The following UNC13C variants were observed in gnomAD, a reference collection of about 807,000 sequenced individuals.
The protein encoded by UNC13C is unc-13 homolog C.
A neutral mutation model predicts 245.4 loss-of-function variants in UNC13C; 174 were observed. The ratio of observed to expected loss-of-function variants is 0.71; its 90% CI spans 0.63 to 0.80. The LOEUF (loss-of-function observed/expected upper bound fraction) is 0.80, where lower values mean the gene tolerates loss of function less well. Among genes scored for constraint, UNC13C ranks in the 30% least tolerant of loss-of-function variants. The pLI is 0.00. For synonymous variants in UNC13C, 992 were observed against 895.1 expected (o/e 1.11, Z -1.93); for missense variants, 2,829 against 2,602.9 (o/e 1.09, Z -1.89).
intron 19 of UNC13C, among the ~76,000 whole-genome samples, chr15:54,489,826 A>T (rs1432618031): frequency 6.6e-6 from 1 of 152,250 alleles, no homozygotes; most frequent in Non-Finnish European, 1.5e-5. Flanking sequence ...CATCACAGGT[A>T]GATCTCATTA....
chr15:54,583,655 G>A (rs1412178468), intron 30 of UNC13C, among the ~76,000 whole-genome samples: 1 of 152,160 alleles, frequency 6.6e-6, no homozygotes, highest in Non-Finnish European at 1.5e-5. Context: ...CCATAAATGT[G>A]GTTAATAGTT....
At chr15:54,571,404 G>T (rs1253761005) in intron 30 of UNC13C, among the ~76,000 whole-genome samples, 1 of 152,150 alleles carries the variant, frequency 6.6e-6, no homozygotes, top group East Asian at 1.9e-4. Context: ...CCACCCCTGT[G>T]ATTCAATTAC....
chr15:54,424,721 C>T (rs1211278087), intron 19 of UNC13C, among the ~76,000 whole-genome samples: 5 of 151,482 alleles, frequency 3.3e-5, no homozygotes, highest in African/African-American at 4.8e-5. Flanking sequence ...GAATTAGGGG[C>T]AAGAAAATGG....
chr15:54,523,586 T>A (rs1489876449), intron 24 of UNC13C, among the ~76,000 whole-genome samples: 1 of 152,208 alleles, frequency 6.6e-6, no homozygotes, highest in African/African-American at 2.4e-5. Context: ...AAAATAATTC[T>A]ATAAGAAAAT....
intron 18 of UNC13C, among the ~76,000 whole-genome samples, chr15:54,401,879 G>T (rs1407187380): frequency 1.3e-5 from 2 of 151,942 alleles, no homozygotes; most frequent in Admixed American, 1.3e-4. Context: ...AGTACAATGT[G>T]GTAATGGAGT....
At chr15:53,988,205 G>C (rs2565208) in intron 1 of UNC13C, among the ~76,000 whole-genome samples, 69,611 of 151,862 alleles carry the variant, frequency 0.46, 18,093 homozygotes, top group Admixed American at 0.61. Flanking sequence ...GGTATGGGAG[G>C]AGGAGGGAAG....
chr15:53,901,188 T>G, the UNC13C span, among the ~76,000 whole-genome samples: 2 of 151,578 alleles, frequency 1.3e-5, no homozygotes, highest in East Asian at 3.9e-4. Context: ...AGATTCTTAG[T>G]AAGCATCATT....
intron 17 of UNC13C, among the ~76,000 whole-genome samples, chr15:54,354,901 C>T (rs1477138888): frequency 6.6e-6 from 1 of 152,106 alleles, no homozygotes; most frequent in African/African-American, 2.4e-5. Flanking sequence ...AGATGAGGCC[C>T]TTAAGAGGTG....
chr15:54,524,936 C>T (rs57439022), intron 24 of UNC13C, among the ~76,000 whole-genome samples: 4,546 of 152,136 alleles, frequency 0.03, 200 homozygotes, highest in African/African-American at 0.1. Context: ...ATACAATAGA[C>T]CTATTATCCT....
intron 18 of UNC13C, among the ~76,000 whole-genome samples, chr15:54,393,562 T>C (rs1596320115): frequency 6.6e-6 from 1 of 151,880 alleles, no homozygotes; most frequent in Non-Finnish European, 1.5e-5. Context: ...TTTTTAATAA[T>C]AAAGATTTGG....
At chr15:54,402,011 A>G (rs1311190634) in intron 18 of UNC13C, among the ~76,000 whole-genome samples, 2 of 151,952 alleles carry the variant, frequency 1.3e-5, no homozygotes, top group Non-Finnish European at 2.9e-5. Flanking sequence ...ATAATATTAT[A>G]TGAAATGACA....
At chr15:54,181,742 C>A (rs751637763) in intron 4 of UNC13C, among the ~76,000 whole-genome samples, 19 of 151,764 alleles carry the variant, frequency 1.3e-4, no homozygotes, top group Non-Finnish European at 1.8e-4. Flanking sequence ...TTTTGTAGTT[C>A]TCCACTTACA....
chr15:54,432,841 C>T lies in UNC13C; in HGVS notation c.4933+17774C>T, dbSNP rs114946379. 3.2e-3 allele frequency among the ~76,000 whole-genome samples: 475 copies of T among 150,642 alleles called. 4 individuals carry two copies. Among genetic ancestry groups the T allele is most frequent in the African/African-American group, 0.011 (452 of 41,320 alleles). On this transcript the variant is annotated intron_variant, in intron 19 of 32. Coordinates refer to ENST00000260323, the MANE Select transcript of UNC13C (RefSeq NM_001080534.3). ...TTTTTTGAAAAGATTAACAAAATAG[C>T]TGCTAGCCAGATGAATGAAGAAGAA...
intron 30 of UNC13C, among the ~76,000 whole-genome samples, chr15:54,570,152 C>T (rs1897691928): frequency 6.6e-6 from 1 of 152,104 alleles, no homozygotes; most frequent in African/African-American, 2.4e-5. Flanking sequence ...GGGGACCCTC[C>T]TATCTGTACA....
the UNC13C span, among the ~76,000 whole-genome samples, chr15:53,933,931 T>G: frequency 0.92 from 140,483 of 152,214 alleles, 65,329 homozygotes; most frequent in Middle Eastern, 0.98. Flanking sequence ...AAGGAAAGAG[T>G]TTTAATTGGC....
intron 14 of UNC13C, among the ~76,000 whole-genome samples, chr15:54,328,653 C>G (rs1275291292): frequency 6.6e-6 from 1 of 151,964 alleles, no homozygotes. Context: ...CTTACAAGAG[C>G]TTTTCCTTCC....
chr15:54,179,280 G>C (rs543080841), intron 4 of UNC13C, among the ~76,000 whole-genome samples: 3 of 152,138 alleles, frequency 2.0e-5, no homozygotes, highest in East Asian at 3.9e-4. Context: ...AGAAAATGTG[G>C]CTGATAATCA....
chr15:54,363,899 G>T (rs938712094), intron 17 of UNC13C, among the ~76,000 whole-genome samples: 1 of 152,236 alleles, frequency 6.6e-6, no homozygotes, highest in East Asian at 1.9e-4. Context: ...ATAGATATTT[G>T]TTAAAAAGTA....
chr15:54,328,022 C>T (rs142042727), intron 14 of UNC13C, among the ~76,000 whole-genome samples: 3 of 152,168 alleles, frequency 2.0e-5, no homozygotes, highest in African/African-American at 7.2e-5. Flanking sequence ...GACCTAGAGT[C>T]AGGAAGAAGC....
Sources: gnomAD v4.1 joint callset for allele counts (sites outside exome capture counted in the v4.1 genomes callset) on GRCh38, gnomAD v4.1.1 for gene constraint, MANE v1.5 for transcripts, NCBI Gene and HGNC (gene_info 2026-07-23, HGNC 2026-07-21) for gene names.